Variants in CCDC33 observed in about 807,000 individuals in gnomAD.
CCDC33 encodes coiled-coil domain containing 33, also known as coiled-coil domain-containing protein 33.
CCDC33 carries 94 observed loss-of-function variants against 91.9 expected under a neutral mutation model. The ratio of observed to expected loss-of-function variants is 1.02; its 90% CI spans 0.87 to 1.21. The LOEUF (loss-of-function observed/expected upper bound fraction) is 1.21, where lower values mean the gene tolerates loss of function less well. Among genes scored for constraint, CCDC33 ranks in the 50% most tolerant of loss-of-function variants. The pLI is 0.00. For missense variants in CCDC33, 940 were observed against 935.5 expected (o/e 1.00, Z -0.06); for synonymous variants, 396 against 374.5 (o/e 1.06, Z -0.66).
intron 10 of CCDC33, among the ~76,000 whole-genome samples, chr15:74,287,724 G>A (rs895056258): frequency 6.6e-6 from 1 of 151,702 alleles, no homozygotes; most frequent in Admixed American, 6.5e-5. Flanking sequence ...GGGAGGCGGA[G>A]GTTGCAGTGA....
chr15:74,252,513 C>A lies in CCDC33; in HGVS notation c.185+8365C>A, dbSNP rs16967133. Among the ~76,000 whole-genome samples, 690 of 152,364 alleles carry A rather than the reference C, an allele frequency of 4.5e-3. 4 individuals are homozygous for A. The highest frequency in any genetic ancestry group is 0.016 in the African/African-American group (670 of 41,590). Reference sequence around the variant, plus strand: ...TCACTGCGAGCTCGGCTATTTACACCCTCTGGTTCTAACGGTGCAGTCCTG... The same window carrying A: ...TCACTGCGAGCTCGGCTATTTACACACTCTGGTTCTAACGGTGCAGTCCTG... On this transcript the variant is annotated intron_variant, in intron 2 of 18. Transcript: ENST00000398814.
At chr15:74,257,287 G>A (rs1422402807) in intron 2 of CCDC33, among the ~76,000 whole-genome samples, 1 of 152,204 alleles carries the variant, frequency 6.6e-6, no homozygotes, top group Non-Finnish European at 1.5e-5. Flanking sequence ...AACCCACAAG[G>A]ACCAGCTGCC....
chr15:74,286,643 A>T (rs749168377), intron 10 of CCDC33, among the ~76,000 whole-genome samples: 10 of 152,134 alleles, frequency 6.6e-5, no homozygotes, highest in Non-Finnish European at 8.8e-5. Context: ...TCATCTGGGT[A>T]TACAGCAACA....
intron 2 of CCDC33, among the ~76,000 whole-genome samples, chr15:74,223,773 T>TACAC (rs1555460834): frequency 1.4e-4 from 5 of 35,022 alleles, no homozygotes; most frequent in African/African-American, 5.6e-4. Context: ...CACGCAAGCA[T>TACAC]GCACACACAC....
intron 3 of CCDC33, among the ~76,000 whole-genome samples, chr15:74,265,464 G>A (rs2076141215): frequency 6.6e-6 from 1 of 151,982 alleles, no homozygotes; most frequent in Admixed American, 6.6e-5. Flanking sequence ...ATATAAAGAT[G>A]CCTCAAGTGT....
At chr15:74,283,593 C>A (rs1186276891) in intron 10 of CCDC33, among the ~76,000 whole-genome samples, 2 of 152,178 alleles carry the variant, frequency 1.3e-5, no homozygotes, top group African/African-American at 4.8e-5. Context: ...GAAAATGCTG[C>A]CGAATTCATT....
In CCDC33 at chr15:74,336,116, C is replaced by T. The variant is rs1285624763; in HGVS notation, c.*63C>T. The T allele has an allele frequency of 6.9e-6, 11 of 1,587,524 alleles. No individual in the cohort carries two copies. The highest frequency in any genetic ancestry group is 2.2e-5 in the South Asian group (2 of 89,488). Reference sequence around the variant, plus strand: ...TCTCATCACCGCCCCCTAAAAATGACGTTATTAAATGTTGTAGCTCTGTGA... The same window carrying T: ...TCTCATCACCGCCCCCTAAAAATGATGTTATTAAATGTTGTAGCTCTGTGA... On this transcript the variant is annotated 3_prime_UTR_variant, in exon 19 of 19. Coordinates refer to ENST00000398814, the MANE Select transcript of CCDC33 (RefSeq NM_025055.5).
intron 5 of CCDC33, among the ~76,000 whole-genome samples, chr15:74,270,772 C>T (rs2076292314): frequency 6.6e-6 from 1 of 152,106 alleles, no homozygotes; most frequent in Non-Finnish European, 1.5e-5. Context: ...TCCAGTGTCC[C>T]CCAGGCCCAG....
chr15:74,251,337 G>A (rs999328841), intron 2 of CCDC33, among the ~76,000 whole-genome samples: 2 of 152,224 alleles, frequency 1.3e-5, no homozygotes, highest in African/African-American at 4.8e-5. Flanking sequence ...CTGTCACCCA[G>A]CCTGACACAG....
intron 6 of CCDC33, among the ~76,000 whole-genome samples, chr15:74,272,466 G>A (rs942029148): frequency 6.6e-6 from 1 of 152,172 alleles, no homozygotes; most frequent in Non-Finnish European, 1.5e-5. Flanking sequence ...CCGACTCCTG[G>A]GAGTCAGGGT....
intron 16 of CCDC33, chr15:74,333,451 C>T (rs1448272205): frequency 1.4e-6 from 1 of 731,318 alleles, no homozygotes; most frequent in Non-Finnish European, 2.3e-6. Context: ...AGGGCAGGGG[C>T]ACAGGAGAGT....
Position 74,279,971 on chromosome 15 carries a change from G to A in CCDC33, c.768G>A (p.Lys256=). 1.9e-6 allele frequency: 3 copies of A among 1,613,960 alleles called. 1 individual carries two copies. Among genetic ancestry groups the A allele is most frequent in the East Asian group, 2.2e-5 (1 of 44,880 alleles). Residue 256 remains lysine (K), a synonymous_variant, in exon 8 of 19, where the codon AAG becomes AAA. Coordinates refer to ENST00000398814, the MANE Select transcript of CCDC33 (RefSeq NM_025055.5). ...CTACCCTCTCCCTCCAGCTGTCCAAGCCTGGGGGACCCCCAGAGCAGCCCC... is the reference window on the plus strand; with the variant it reads ...CTACCCTCTCCCTCCAGCTGTCCAAACCTGGGGGACCCCCAGAGCAGCCCC... ...VSQNGCPQLS[K]PGGPPEQPLW...
At chr15:74,289,827 T>C (rs146465351) in intron 10 of CCDC33, among the ~76,000 whole-genome samples, 106 of 152,262 alleles carry the variant, frequency 7.0e-4, no homozygotes, top group African/African-American at 2.5e-3. Context: ...CAGAACCTAG[T>C]GTTGCCTTGA....
At chr15:74,317,725 T>C (rs2060118100) in intron 11 of CCDC33, among the ~76,000 whole-genome samples, 1 of 152,146 alleles carries the variant, frequency 6.6e-6, no homozygotes, top group Admixed American at 6.5e-5. Context: ...CAAGCTTGTC[T>C]GGGACAGACA....
rs542924510 is a variant in CCDC33 at position 74,210,727 on chromosome 15, T to C, written n.236+1193T>C. ...GAATTTGATTCCGTCCCCAGCCCAA[T>C]ATTGCACACTTCCCAGTCTCCCTTG... On this transcript the variant is annotated intron_variant and non_coding_transcript_variant, in intron 2 of 3. Transcript: ENST00000558645. 2.0e-5 allele frequency among the ~76,000 whole-genome samples: 3 copies of C among 152,342 alleles called. No homozygotes were observed. The South Asian group carries it at 6.2e-4, about 32-fold the overall frequency.
rs953579777 is a variant in CCDC33 at position 74,314,315 on chromosome 15, C to G, written c.1291-15874C>G. ...ACATCTGTGTCTCCAGTGCCCACCA[C>G]AGGGCCTGGCCAAGTGGGCCTGCCA... On this transcript the variant is annotated intron_variant, in intron 11 of 18. Transcript: ENST00000398814. Among the ~76,000 whole-genome samples the G allele has an allele frequency of 2.6e-5, 4 of 152,240 alleles. 1 individual carries two copies. The highest frequency in any genetic ancestry group is 4.8e-5 in the African/African-American group (2 of 41,470).
intron 11 of CCDC33, among the ~76,000 whole-genome samples, chr15:74,309,874 G>A (rs939844264): frequency 1.3e-5 from 2 of 152,280 alleles, no homozygotes; most frequent in Middle Eastern, 3.4e-3. Flanking sequence ...AGAAGCTAGC[G>A]CAGTGGCTCA....
intron 13 of CCDC33, 42 bp downstream of exon 13, chr15:74,330,793 TG>T: frequency 6.5e-7 from 1 of 1,529,030 alleles, no homozygotes; most frequent in Non-Finnish European, 9.0e-7. Context: ...GGAGCTATGG[TG>T]GGGGAGCATC....
intron 15 of CCDC33, among the ~76,000 whole-genome samples, chr15:74,332,356 A>C (rs1359838985): frequency 6.6e-6 from 1 of 152,200 alleles, no homozygotes; most frequent in Non-Finnish European, 1.5e-5. Flanking sequence ...CTGAGAAGGC[A>C]ACCTAGGGAG....
Sources: allele counts gnomAD v4.1 joint callset (sites outside exome capture counted in the v4.1 genomes callset), GRCh38; gene constraint gnomAD v4.1.1; transcripts MANE v1.5; gene names NCBI Gene and HGNC (gene_info 2026-07-23, HGNC 2026-07-21).